Variants in SEC11C observed in about 807,000 individuals in gnomAD.
SEC11C encodes the protein SEC11 homolog C, signal peptidase complex subunit, also known as signal peptidase complex catalytic subunit SEC11C.
A neutral mutation model predicts 21.9 loss-of-function variants in SEC11C; 10 were observed. The ratio of observed to expected loss-of-function variants is 0.46; its 90% CI spans 0.28 to 0.77. The LOEUF (loss-of-function observed/expected upper bound fraction) is 0.77. SEC11C is among the 30% of genes least tolerant of loss of function. The pLI, the probability that SEC11C is intolerant of heterozygous loss-of-function variation, is 0.12. For synonymous variants in SEC11C, 83 were observed against 85.6 expected, an observed-to-expected ratio of 0.97 and a Z score of 0.17; for missense variants, 145 against 244.5, an observed-to-expected ratio of 0.59 and a Z score of 2.71.
chr18:59,158,675 G>A lies in SEC11C; in HGVS notation c.569G>A (p.Arg190His), dbSNP rs2069447169. ...AVMGAYVLLK[R>H]ES ...ATGGGTGCATATGTGTTACTAAAAC[G>A]TGAATCCTAAAATGAGAAGCAGTTC... The change falls in exon 6 of 6, where the codon CGT becomes CAT. Residue 190 changes from arginine to histidine, a missense_variant. Coordinates refer to ENST00000587834, the MANE Select transcript of SEC11C (RefSeq NM_033280.4). 3.7e-6 allele frequency: 6 copies of A among 1,613,192 alleles called. No individual in the cohort carries two copies. The highest frequency in any genetic ancestry group is 1.3e-5 in the African/African-American group (1 of 75,008).
chr18:59,144,146 G>A (rs1397060071), intron 1 of SEC11C, among the ~76,000 whole-genome samples: 2 of 152,114 alleles, frequency 1.3e-5, no homozygotes, highest in African/African-American at 2.4e-5. Context: ...GAGCCACACT[G>A]CACCTGGCCC....
intron 1 of SEC11C, among the ~76,000 whole-genome samples, chr18:59,142,338 C>A (rs567320623): frequency 3.9e-5 from 6 of 152,154 alleles, no homozygotes; most frequent in Admixed American, 6.5e-5. Context: ...AAAATATATT[C>A]TTGGTACAAG....
chr18:59,156,497 G>A (rs1422278545), intron 4 of SEC11C: 2 of 152,138 alleles, frequency 1.3e-5, no homozygotes, highest in African/African-American at 4.8e-5. Context: ...TCCCCTTTTG[G>A]TGGACACTTA....
chr18:59,155,592 C>T (rs888783432), intron 3 of SEC11C, 96 bp from the exon 4 acceptor site: 2 of 1,320,604 alleles, frequency 1.5e-6, no homozygotes, highest in African/African-American at 1.5e-5. Context: ...TTTCTAAATG[C>T]TCCTGTCTGA....
chr18:59,148,759 G>T (rs759551535), intron 1 of SEC11C, among the ~76,000 whole-genome samples: 1 of 151,994 alleles, frequency 6.6e-6, no homozygotes, highest in Admixed American at 6.6e-5. Context: ...GACTACAGGC[G>T]CCCACCGCCA....
chr18:59,152,831 T>C (rs2144039688), intron 3 of SEC11C, 146 bp downstream of exon 3: 4 of 609,046 alleles, frequency 6.6e-6, no homozygotes, highest in East Asian at 2.9e-5. Flanking sequence ...CTTAACTCTT[T>C]CTGTAGGATG....
intron 4 of SEC11C, 55 bp downstream of exon 4, chr18:59,155,862 A>G: frequency 6.3e-7 from 1 of 1,595,198 alleles, no homozygotes; most frequent in Non-Finnish European, 8.6e-7. Flanking sequence ...TTAGAAATGA[A>G]GAAATTAAAT....
intron 5 of SEC11C, 126 bp from the exon 6 acceptor site, chr18:59,158,506 G>T (rs967405338): frequency 5.3e-6 from 4 of 752,378 alleles, no homozygotes; most frequent in East Asian, 2.6e-5. Context: ...AACAAGCCAT[G>T]GGGGGAAGAG....
chr18:59,154,879 A>G (rs2069402158), intron 3 of SEC11C, among the ~76,000 whole-genome samples: 1 of 152,208 alleles, frequency 6.6e-6, no homozygotes, highest in Non-Finnish European at 1.5e-5. Flanking sequence ...CAGCCTGGCC[A>G]ACGTGGTGAA....
At position 59,158,739 on chromosome 18, in the gene SEC11C, AAAAC is replaced by A; in HGVS notation, c.*55_*58del. On this transcript the variant is annotated 3_prime_UTR_variant, in exon 6 of 6. Coordinates refer to ENST00000587834, the MANE Select transcript of SEC11C (RefSeq NM_033280.4). ...GAAATGAATTCTGTTGAAAAAGAGA[AAAAC>A]TAATATATTTGAGATGTTCCATTTT... 7.1e-7 allele frequency: 1 copy of A among 1,407,280 alleles called. No homozygotes were observed. Among genetic ancestry groups the A allele is most frequent in the Non-Finnish European group, 1.0e-6 (1 of 992,416 alleles). The allele number at this position is 1,407,280 out of a possible 1,614,324, so 87.2% of individuals were successfully genotyped here. A position where few individuals can be genotyped will look rare whatever the true frequency, so the allele number is the denominator to read the frequency against.
Position 59,146,442 on chromosome 18 carries a change from CATTCAGGTAGAGGAGGAG to C in SEC11C, c.88-3052_88-3035del, listed in dbSNP as rs538651182. 9.9e-5 allele frequency among the ~76,000 whole-genome samples: 15 copies of C among 152,234 alleles called. No individual in the cohort carries two copies. In the South Asian group the frequency reaches 2.5e-3, roughly 25 times the overall value. On this transcript the variant is annotated intron_variant, in intron 1 of 5. Transcript: ENST00000587834. ...GTTAGCCTGATGGGACCAATGCCAG[CATTCAGGTAGAGGAGGAG>C]ATTCAGGTAGAGGAGGAGCAACTGG... is the stretch of plus-strand genomic sequence containing the variant.
At chr18:59,150,098 G>A (rs1010669912) in intron 2 of SEC11C, among the ~76,000 whole-genome samples, 5 of 151,830 alleles carry the variant, frequency 3.3e-5, no homozygotes, top group Non-Finnish European at 5.9e-5. Flanking sequence ...GCTTATAAAA[G>A]TACAGCATGT....
Position 59,139,962 on chromosome 18 carries a change from G to A in SEC11C, c.14G>A (p.Gly5Asp). MVRA[G>D]AVGAHLPASG... ...GGAGACCCTGCTATGGTGCGTGCGG[G>A]CGCCGTGGGGGCTCATCTCCCCGCG... Residue 5 changes from glycine to aspartate, a missense_variant, in exon 1 of 6, where the codon GGC becomes GAC. Coordinates refer to ENST00000587834, the MANE Select transcript of SEC11C (RefSeq NM_033280.4). 1.3e-6 allele frequency: 2 copies of A among 1,588,288 alleles called. No homozygotes were observed. The highest frequency in any genetic ancestry group is 2.0e-4 in the Middle Eastern group (1 of 4,918).
intron 3 of SEC11C, among the ~76,000 whole-genome samples, chr18:59,154,804 G>A (rs762578495): frequency 1.3e-5 from 2 of 152,182 alleles, no homozygotes; most frequent in Non-Finnish European, 2.9e-5. Context: ...GGTGGCTTAT[G>A]CCTGTAATCC....
At chr18:59,148,861 C>A in intron 1 of SEC11C, among the ~76,000 whole-genome samples, 1 of 152,198 alleles carries the variant, frequency 6.6e-6, no homozygotes, top group East Asian at 1.9e-4. Context: ...GTGATCCACC[C>A]GCCTCGGCCT....
intron 3 of SEC11C, among the ~76,000 whole-genome samples, chr18:59,153,800 G>A (rs1202915731): frequency 6.6e-6 from 1 of 151,434 alleles, no homozygotes; most frequent in African/African-American, 2.4e-5. Flanking sequence ...TCCACCTCCT[G>A]GGTTCAAGCA....
intron 5 of SEC11C, 131 bp from the exon 6 acceptor site, chr18:59,158,501 G>A (rs901331226): frequency 2.8e-6 from 2 of 723,022 alleles, no homozygotes; most frequent in East Asian, 2.7e-5. Context: ...TAGAGAACAA[G>A]CCATGGGGGG....
chr18:59,152,931 A>G (rs984752872), intron 3 of SEC11C: 14 of 308,752 alleles, frequency 4.5e-5, no homozygotes, highest in Non-Finnish European at 7.7e-5. Flanking sequence ...CATAAACTTA[A>G]ATTGCTGCAC....
intron 2 of SEC11C, among the ~76,000 whole-genome samples, chr18:59,152,093 C>T (rs1042295628): frequency 1.3e-5 from 2 of 152,052 alleles, no homozygotes; most frequent in Non-Finnish European, 2.9e-5. Context: ...CAAGTGCATC[C>T]ATGTGTTCCT....
Sources: gnomAD v4.1 joint callset for allele counts (sites outside exome capture counted in the v4.1 genomes callset) on GRCh38, gnomAD v4.1.1 for gene constraint, MANE v1.5 for transcripts, NCBI Gene and HGNC (gene_info 2026-07-23, HGNC 2026-07-21) for gene names.